The following LARGE1 variants were observed in gnomAD, a reference collection of about 807,000 sequenced individuals.
LARGE1 encodes the protein xylosyl- and glucuronyltransferase LARGE1.
A neutral mutation model predicts 87.6 loss-of-function variants in LARGE1; 43 were observed. The ratio of observed to expected loss-of-function variants is 0.49; its 90% CI spans 0.38 to 0.63. LARGE1 has a LOEUF of 0.63. Ranked by LOEUF, LARGE1 falls within the 30% of genes least tolerant of loss-of-function variation. The probability of loss-of-function intolerance (pLI) is 0.00; values close to 1 mark genes in which losing one functional copy is unlikely to be tolerated. For synonymous variants in LARGE1, 434 were observed against 394.6 expected (o/e 1.10, Z -1.18); for missense variants, 802 against 1,000.2 (o/e 0.80, Z 2.67).
chr22:33,350,388 G>A (rs549990294), intron 9 of LARGE1, among the ~76,000 whole-genome samples: 2 of 152,242 alleles, frequency 1.3e-5, no homozygotes, highest in African/African-American at 4.8e-5. Context: ...TAACCAGCCC[G>A]TATTCTTCCT....
chr22:33,593,082 G>A (rs71313166), intron 5 of LARGE1, among the ~76,000 whole-genome samples: 13,594 of 152,120 alleles, frequency 0.089, 713 homozygotes, highest in Middle Eastern at 0.15. Flanking sequence ...CTTGTGATCC[G>A]CCCACCTCGG....
chr22:33,295,348 ATGTG>A (rs1491178767), intron 12 of LARGE1, among the ~76,000 whole-genome samples: 1 of 152,140 alleles, frequency 6.6e-6, no homozygotes, highest in African/African-American at 2.4e-5. Context: ...AAGGGCACAC[ATGTG>A]TGTGTACATG....
the LARGE1 span, among the ~76,000 whole-genome samples, chr22:33,078,549 G>A: frequency 1.3e-5 from 2 of 152,222 alleles, no homozygotes; most frequent in African/African-American, 4.8e-5. Flanking sequence ...ATACCAGTTA[G>A]TTATGAAAAT....
intron 11 of LARGE1, among the ~76,000 whole-genome samples, chr22:33,172,703 A>C (rs1174146226): frequency 2.0e-5 from 3 of 152,200 alleles, no homozygotes; most frequent in African/African-American, 7.2e-5. Context: ...CGAGAACTTC[A>C]TGAAGCATAC....
intron 9 of LARGE1, among the ~76,000 whole-genome samples, chr22:33,375,695 T>A (rs994368275): frequency 2.0e-5 from 3 of 152,240 alleles, no homozygotes; most frequent in African/African-American, 7.2e-5. Flanking sequence ...ACCTAAAGTC[T>A]GTCTTGGGTT....
chr22:33,566,578 G>A (rs2078032425), intron 5 of LARGE1, among the ~76,000 whole-genome samples: 1 of 152,228 alleles, frequency 6.6e-6, no homozygotes, highest in African/African-American at 2.4e-5. Context: ...AGAGTGAGCA[G>A]CAGCAAGATT....
chr22:33,516,785 C>T (rs2148478348), intron 6 of LARGE1, among the ~76,000 whole-genome samples: 1 of 152,168 alleles, frequency 6.6e-6, no homozygotes, highest in East Asian at 1.9e-4. Flanking sequence ...GGGGTCTCAC[C>T]ATGTTGGCCA....
chr22:33,475,056 G>T (rs953218283), intron 6 of LARGE1, among the ~76,000 whole-genome samples: 1 of 152,144 alleles, frequency 6.6e-6, no homozygotes, highest in African/African-American at 2.4e-5. Flanking sequence ...GCACCAGGGA[G>T]GGGGAGCCAG....
At chr22:33,615,458 C>T (rs5999035) in intron 4 of LARGE1, among the ~76,000 whole-genome samples, 16 of 150,716 alleles carry the variant, frequency 1.1e-4, no homozygotes, top group African/African-American at 3.9e-4. Flanking sequence ...GAAGCACAAA[C>T]AATGAAAGAA....
At chr22:33,212,745 C>G (rs984199803) in intron 11 of LARGE1, among the ~76,000 whole-genome samples, 2 of 152,092 alleles carry the variant, frequency 1.3e-5, no homozygotes, top group African/African-American at 4.8e-5. Flanking sequence ...GGGCCGGGTG[C>G]GGTAGCTCAT....
chr22:33,297,609 CAAAA>C (rs201010972), intron 12 of LARGE1, among the ~76,000 whole-genome samples: 3 of 62,834 alleles, frequency 4.8e-5, no homozygotes, highest in Non-Finnish European at 7.6e-5. Flanking sequence ...GACTCCGTCT[CAAAA>C]AAAAAAAAAA....
intron 2 of LARGE1, among the ~76,000 whole-genome samples, chr22:33,651,554 C>T (rs138142133): frequency 3.6e-4 from 55 of 152,134 alleles, no homozygotes; most frequent in African/African-American, 7.2e-4. Context: ...CCACATATTC[C>T]GAAATAATTT....
In LARGE1 at chr22:33,384,608, G is replaced by C. The variant is rs188129413; in HGVS notation, c.893-304C>G. On this transcript the variant is annotated intron_variant, in intron 7 of 14. Coordinates refer to ENST00000397394, the MANE Select transcript of LARGE1 (RefSeq NM_133642.5). ...TGTTGTATGGAGACTGGTCATACAGGCCTCAAAGGACTGTTGGAAGGAGTA... is the reference window on the plus strand; with the variant it reads ...TGTTGTATGGAGACTGGTCATACAGCCCTCAAAGGACTGTTGGAAGGAGTA... 2.9e-3 allele frequency among the ~76,000 whole-genome samples: 438 copies of C among 148,570 alleles called. 15 individuals carry two copies. Among genetic ancestry groups the C allele is most frequent in the African/African-American group, 9.5e-3 (390 of 41,022 alleles).
chr22:33,634,012 G>A (rs766886607), intron 3 of LARGE1, among the ~76,000 whole-genome samples: 18 of 152,192 alleles, frequency 1.2e-4, no homozygotes, highest in Non-Finnish European at 2.9e-5. Flanking sequence ...CGCCTCATCC[G>A]TAAAACGGAG....
intron 6 of LARGE1, among the ~76,000 whole-genome samples, chr22:33,454,711 G>A (rs975664765): frequency 6.6e-6 from 1 of 152,088 alleles, no homozygotes; most frequent in Non-Finnish European, 1.5e-5. Flanking sequence ...TCCGCTTCTG[G>A]GGAGGCCTCA....
chr22:33,647,134 A>G (rs1285217971), intron 3 of LARGE1, among the ~76,000 whole-genome samples: 2 of 152,220 alleles, frequency 1.3e-5, no homozygotes, highest in Admixed American at 1.3e-4. Flanking sequence ...ATTCTTAGTC[A>G]GTAGGTCTGG....
At chr22:33,257,348 C>T (rs1303850111) in intron 11 of LARGE1, among the ~76,000 whole-genome samples, 3 of 151,976 alleles carry the variant, frequency 2.0e-5, no homozygotes, top group Admixed American at 2.0e-4. Flanking sequence ...GACTAGGCAA[C>T]ATGGTGAAAT....
the LARGE1 span, among the ~76,000 whole-genome samples, chr22:33,130,506 T>C: frequency 6.6e-6 from 1 of 151,180 alleles, no homozygotes; most frequent in Non-Finnish European, 1.5e-5. Context: ...ATAATGTCTT[T>C]TAAAAATTCT....
chr22:33,100,928 G>A, the LARGE1 span, among the ~76,000 whole-genome samples: 1 of 151,580 alleles, frequency 6.6e-6, no homozygotes, highest in Non-Finnish European at 1.5e-5. Context: ...CCACCTGGGA[G>A]GCAGACTCCC....
Sources: gnomAD v4.1 joint callset for allele counts (sites outside exome capture counted in the v4.1 genomes callset) on GRCh38, gnomAD v4.1.1 for gene constraint, MANE v1.5 for transcripts, NCBI Gene and HGNC (gene_info 2026-07-23, HGNC 2026-07-21) for gene names.